Variants in FOSL1 observed in about 807,000 individuals in gnomAD.
FOSL1 encodes fos-related antigen 1.
Under a neutral mutation model 24.9 loss-of-function variants are expected in FOSL1, and 14 were observed. The ratio of observed to expected loss-of-function variants is 0.56; its 90% CI spans 0.37 to 0.88. The LOEUF (loss-of-function observed/expected upper bound fraction) is 0.88. Among genes scored for constraint, FOSL1 ranks in the 40% least tolerant of loss-of-function variants. The pLI, the probability that FOSL1 is intolerant of heterozygous loss-of-function variation, is 0.00. For synonymous variants in FOSL1, 133 were observed against 145.1 expected (o/e 0.92, Z 0.60); for missense variants, 318 against 359.8 (o/e 0.88, Z 0.94).
chr11:65,900,377 G>C lies in FOSL1; in HGVS notation c.-38C>G. On this transcript the variant is annotated 5_prime_UTR_variant, in exon 1 of 4. Transcript: ENST00000312562. ...CGGCTCTGCGGGGTACACGGCTGCTGGGTTCTGACTCACCCGCGCCGTGCG... is the reference window on the plus strand; with the variant it reads ...CGGCTCTGCGGGGTACACGGCTGCTCGGTTCTGACTCACCCGCGCCGTGCG... 9.0e-7 allele frequency: 1 copy of C among 1,111,176 alleles called. No homozygotes were observed. The highest frequency in any genetic ancestry group is 1.1e-6 in the Non-Finnish European group (1 of 875,434). The allele number at this position is 1,111,176 out of a possible 1,614,324, so 68.8% of individuals were successfully genotyped here.
chr11:65,892,916 G>A lies in FOSL1; in HGVS notation c.786C>T (p.Pro262=). Residue 262 remains proline, a synonymous_variant, in exon 4 of 4, where the codon CCC becomes CCT. Coordinates refer to ENST00000312562, the MANE Select transcript of FOSL1 (RefSeq NM_005438.5). ...AAGCGAGGAGGGTTGGAGAGCCAAG[G>A]GGGTCAGAGGATGGGTCTCCGCTGC... ...SSSSGDPSSD[P]LGSPTLLAL 6.2e-7 allele frequency: 1 copy of A among 1,612,108 alleles called. No individual in the cohort carries two copies.
rs1193857868 is a variant in FOSL1 at position 65,892,761 on chromosome 11, T to C, written c.*125A>G. 12 of 914,372 alleles carry C rather than the reference T, an allele frequency of 1.3e-5. No individual in the cohort carries two copies. Among genetic ancestry groups the C allele is most frequent in the Non-Finnish European group, 2.1e-5 (12 of 583,696 alleles). 56.6% of individuals were successfully genotyped at this position (914,372 alleles called of 1,614,324 possible). ...TGAAGCACAATATGGTCAGTCTCAT[T>C]AGAGGGATGGAGAAGAAGTTGCTGG... On this transcript the variant is annotated 3_prime_UTR_variant, in exon 4 of 4. Coordinates refer to ENST00000312562, the MANE Select transcript of FOSL1 (RefSeq NM_005438.5).
chr11:65,896,142 A>AGGCAT (rs1169893591), intron 2 of FOSL1, among the ~76,000 whole-genome samples: 7 of 152,184 alleles, frequency 4.6e-5, no homozygotes, highest in African/African-American at 1.2e-4. Flanking sequence ...CTGGGATTAC[A>AGGCAT]GGCATGAGCT....
intron 1 of FOSL1, among the ~76,000 whole-genome samples, chr11:65,898,058 T>TTTTTTTTTG (rs1565290182): frequency 6.9e-6 from 1 of 144,420 alleles, no homozygotes; most frequent in Non-Finnish European, 1.5e-5. Flanking sequence ...TTTTTTTTTT[T>TTTTTTTTTG]GAGACACAGT....
In FOSL1 at chr11:65,894,141, T is replaced by C; in HGVS notation, c.298-20A>G. Reference sequence around the variant, plus strand: ...GCTGATCTGGGGGTGAGACCCGCAGTGAGGAGGACCCTGGGCTACTGGCTG... The same window carrying C: ...GCTGATCTGGGGGTGAGACCCGCAGCGAGGAGGACCCTGGGCTACTGGCTG... On this transcript the variant is annotated intron_variant, in intron 2 of 3. Coordinates refer to ENST00000312562, the MANE Select transcript of FOSL1 (RefSeq NM_005438.5). The C allele has an allele frequency of 1.3e-6, 2 of 1,563,398 alleles. No individual in the cohort carries two copies. The highest frequency in any genetic ancestry group is 4.5e-5 in the East Asian group (2 of 44,298).
At chr11:65,897,832 G>A (rs550333238) in intron 1 of FOSL1, among the ~76,000 whole-genome samples, 19 of 152,036 alleles carry the variant, frequency 1.2e-4, no homozygotes, top group African/African-American at 4.3e-4. Context: ...GGTGCCCAGT[G>A]CAGAGGGGCT....
chr11:65,895,998 C>A (rs995273093), intron 2 of FOSL1, among the ~76,000 whole-genome samples: 1 of 152,138 alleles, frequency 6.6e-6, no homozygotes, highest in African/African-American at 2.4e-5. Context: ...AGTGAGACAG[C>A]GTGGCTTGGT....
intron 2 of FOSL1, among the ~76,000 whole-genome samples, chr11:65,895,680 T>A (rs531698076): frequency 2.2e-4 from 34 of 152,332 alleles, no homozygotes; most frequent in Non-Finnish European, 4.1e-4. Context: ...GGTTTACCCC[T>A]GGCCCGCTTC....
chr11:65,893,383 G>A, intron 3 of FOSL1, 87 bp from the exon 4 acceptor site: 1 of 1,085,622 alleles, frequency 9.2e-7, no homozygotes, highest in Non-Finnish European at 1.3e-6. Flanking sequence ...CTGAGGAGCT[G>A]GGGTTGGGCG....
At chr11:65,893,932 G>A (rs1051932846) in intron 3 of FOSL1, 82 bp downstream of exon 3, 7 of 899,210 alleles carry the variant, frequency 7.8e-6, no homozygotes, top group South Asian at 1.4e-5. Context: ...GGATGGTGAG[G>A]AGGGGGCTAC....
intron 1 of FOSL1, among the ~76,000 whole-genome samples, chr11:65,897,889 T>TC (rs1860567710): frequency 7.7e-6 from 1 of 130,546 alleles, no homozygotes; most frequent in African/African-American, 3.6e-5. Flanking sequence ...TTCCATTGCT[T>TC]TTTTTTTTTT....
Position 65,892,870 on chromosome 11 carries a change from G to A in FOSL1, c.*16C>T. On this transcript the variant is annotated 3_prime_UTR_variant, in exon 4 of 4. Coordinates refer to ENST00000312562, the MANE Select transcript of FOSL1 (RefSeq NM_005438.5). ...TTGGCTAGGGTGGCATCTGCAGGGA[G>A]TAGGGCTCAGGCGCCTCACAAAGCG... 4 of 1,608,158 alleles carry A rather than the reference G, an allele frequency of 2.5e-6. No homozygotes were observed. The highest frequency in any genetic ancestry group is 1.1e-5 in the South Asian group (1 of 90,360).
In FOSL1 at chr11:65,893,255, T is replaced by C. The variant is rs1426386807; in HGVS notation, c.447A>G (p.Arg149=). 1.2e-6 allele frequency: 2 copies of C among 1,613,262 alleles called. No individual in the cohort carries two copies. Among genetic ancestry groups the C allele is most frequent in the African/African-American group, 2.7e-5 (2 of 74,846 alleles). Reference sequence around the variant, plus strand: ...TCTGCTTCTGCAGCTCCTCAATCTCTCGCTGCAGCCCAGATTTCTCATCTT... The same window carrying C: ...TCTGCTTCTGCAGCTCCTCAATCTCCCGCTGCAGCCCAGATTTCTCATCTT... ...KLEDEKSGLQ[R]EIEELQKQKE... The change falls in exon 4 of 4, where the codon CGA becomes CGG. Residue 149 remains arginine, a synonymous_variant. Transcript: ENST00000312562.
intron 1 of FOSL1, among the ~76,000 whole-genome samples, chr11:65,897,942 G>A (rs1160603869): frequency 6.7e-6 from 1 of 149,002 alleles, no homozygotes; most frequent in Non-Finnish European, 1.5e-5. Context: ...AGGTTGGAGT[G>A]CAGTGACCTG....
intron 3 of FOSL1, 73 bp downstream of exon 3, chr11:65,893,941 A>G: frequency 1.0e-6 from 1 of 987,516 alleles, no homozygotes; most frequent in Non-Finnish European, 1.6e-6. Context: ...GGAGGGGGCT[A>G]CATATACTGG....
intron 1 of FOSL1, among the ~76,000 whole-genome samples, chr11:65,898,248 C>T (rs1014468653): frequency 1.3e-5 from 2 of 152,204 alleles, no homozygotes; most frequent in Admixed American, 6.5e-5. Context: ...ACTATGTTGG[C>T]CAGGCTGGTC....
rs1283359375 is a variant in FOSL1 at position 65,900,347 on chromosome 11, G to A, written c.-8C>T. The A allele has an allele frequency of 6.5e-6, 8 of 1,232,088 alleles. No individual in the cohort carries two copies. Among genetic ancestry groups the A allele is most frequent in the Non-Finnish European group, 8.1e-6 (8 of 985,416 alleles). 76.3% of individuals were successfully genotyped at this position (1,232,088 alleles called of 1,614,324 possible). A position where few individuals can be genotyped will look rare whatever the true frequency, so the allele number is the denominator to read the frequency against. On this transcript the variant is annotated 5_prime_UTR_variant, in exon 1 of 4. Coordinates refer to ENST00000312562, the MANE Select transcript of FOSL1 (RefSeq NM_005438.5). ...CCCGAAGTCTCGGAACATGCCCGGG[G>A]CTGGCGGCTCTGCGGGGTACACGGC...
chr11:65,897,727 C>G (rs1860563435), intron 1 of FOSL1, among the ~76,000 whole-genome samples: 1 of 152,104 alleles, frequency 6.6e-6, no homozygotes, highest in Admixed American at 6.6e-5. Context: ...CACTCCTGCA[C>G]CCGTTTGCAC....
rs1860412084 is a variant in FOSL1, at chr11:65,892,569, G to T, written c.*317C>A. Reference sequence around the variant, plus strand: ...AGAGTGTGGCAGTGATCTGGAAGGGGTTAGGGCTCCAGAGGACCTCTAAGG... The same window carrying T: ...AGAGTGTGGCAGTGATCTGGAAGGGTTTAGGGCTCCAGAGGACCTCTAAGG... On this transcript the variant is annotated 3_prime_UTR_variant, in exon 4 of 4. Coordinates refer to ENST00000312562, the MANE Select transcript of FOSL1 (RefSeq NM_005438.5). 1 of 564,114 alleles carries T rather than the reference G, an allele frequency of 1.8e-6. No individual in the cohort carries two copies. The highest frequency in any genetic ancestry group is 1.5e-5 in the South Asian group (1 of 65,516). 34.9% of individuals were successfully genotyped at this position (564,114 alleles called of 1,614,324 possible). A position where few individuals can be genotyped will look rare whatever the true frequency, so the allele number is the denominator to read the frequency against.
Sources: allele counts gnomAD v4.1 joint callset (sites outside exome capture counted in the v4.1 genomes callset), GRCh38; gene constraint gnomAD v4.1.1; transcripts MANE v1.5; gene names NCBI Gene and HGNC (gene_info 2026-07-23, HGNC 2026-07-21).